The following WWOX variants were observed in gnomAD, a reference collection of about 807,000 sequenced individuals.
WWOX encodes the protein WW domain containing oxidoreductase.
WWOX carries 69 observed loss-of-function variants against 46.2 expected under a neutral mutation model. The observed-to-expected ratio is 1.49, with a 90% CI of 1.23 to 1.82. The LOEUF is 1.82. Ranked by LOEUF, WWOX falls within the 40% of genes most tolerant of loss-of-function variation. WWOX has a pLI of 0.00. For missense variants in WWOX, 919 were observed against 542.6 expected (o/e 1.69, Z -6.89); for synonymous variants, 359 against 202.6 (o/e 1.77, Z -6.56).
intron 8 of WWOX, among the ~76,000 whole-genome samples, chr16:78,461,122 G>C (rs1001023685): frequency 3.3e-5 from 5 of 152,198 alleles, no homozygotes; most frequent in African/African-American, 1.2e-4. Flanking sequence ...TTCCATGTTT[G>C]ATAACTTTCT....
chr16:78,361,971 C>CTTTTTTTTTTT (rs56026502), intron 5 of WWOX, among the ~76,000 whole-genome samples: 1 of 138,560 alleles, frequency 7.2e-6, no homozygotes, highest in African/African-American at 2.7e-5. Context: ...CAGGTATTTC[C>CTTTTTTTTTTT]TTTTTTTTTT....
chr16:78,394,087 G>C (rs563720793), intron 6 of WWOX, among the ~76,000 whole-genome samples: 1 of 152,034 alleles, frequency 6.6e-6, no homozygotes, highest in Non-Finnish European at 1.5e-5. Context: ...AAATTTTGTG[G>C]GATGAATTAC....
chr16:78,779,151 TTTG>T (rs1371981691), intron 8 of WWOX, among the ~76,000 whole-genome samples: 2 of 152,148 alleles, frequency 1.3e-5, no homozygotes, highest in African/African-American at 4.8e-5. Flanking sequence ...ACTTGTCTTT[TTTG>T]TTGTTTGTTT....
At chr16:78,752,882 T>G (rs1206253359) in intron 8 of WWOX, among the ~76,000 whole-genome samples, 1 of 152,228 alleles carries the variant, frequency 6.6e-6, no homozygotes, top group Non-Finnish European at 1.5e-5. Context: ...AAATCTGTCC[T>G]GGTCCCATCT....
intron 8 of WWOX, among the ~76,000 whole-genome samples, chr16:78,621,682 A>G (rs114033365): frequency 0.033 from 4,290 of 129,790 alleles, 248 homozygotes; most frequent in African/African-American, 0.12. Flanking sequence ...TCGGCTCACC[A>G]CGAGCTCTGC....
At chr16:78,218,999 A>T (rs1312527383) in intron 5 of WWOX, among the ~76,000 whole-genome samples, 1 of 152,194 alleles carries the variant, frequency 6.6e-6, no homozygotes, top group Non-Finnish European at 1.5e-5. Context: ...ATGCAACTTG[A>T]TGTTTAGAAG....
intron 5 of WWOX, among the ~76,000 whole-genome samples, chr16:78,354,104 C>T (rs1358283394): frequency 1.3e-5 from 2 of 152,114 alleles, no homozygotes; most frequent in African/African-American, 4.8e-5. Flanking sequence ...AGGCTGTTTG[C>T]AGTAGTTCCA....
At chr16:78,463,722 A>G (rs1209694839) in intron 8 of WWOX, among the ~76,000 whole-genome samples, 2 of 152,192 alleles carry the variant, frequency 1.3e-5, no homozygotes, top group African/African-American at 2.4e-5. Flanking sequence ...CTGCTCCATA[A>G]AACTTGGGTA....
chr16:78,683,845 C>T (rs1019018450), intron 8 of WWOX, among the ~76,000 whole-genome samples: 6 of 152,140 alleles, frequency 3.9e-5, no homozygotes, highest in Non-Finnish European at 5.9e-5. Flanking sequence ...GTGTTTAATT[C>T]GGCGTCTTTG....
chr16:78,960,599 A>C (rs987552732), intron 8 of WWOX, among the ~76,000 whole-genome samples: 1 of 152,220 alleles, frequency 6.6e-6, no homozygotes, highest in Non-Finnish European at 1.5e-5. Context: ...GAACAGATCC[A>C]TTGGTCAGAA....
intron 8 of WWOX, among the ~76,000 whole-genome samples, chr16:78,675,525 T>G (rs566478350): frequency 6.6e-6 from 1 of 152,286 alleles, no homozygotes; most frequent in African/African-American, 2.4e-5. Context: ...CATTTAACCA[T>G]TTCACAAATA....
chr16:78,116,484 T>C (rs2032796761), intron 4 of WWOX, among the ~76,000 whole-genome samples: 1 of 152,196 alleles, frequency 6.6e-6, no homozygotes, highest in Admixed American at 6.6e-5. Flanking sequence ...ATGGAAATTT[T>C]TTTTTAAGAA....
At chr16:78,535,406 G>T (rs1271382883) in intron 8 of WWOX, 4 of 152,142 alleles carry the variant, frequency 2.6e-5, no homozygotes, top group Non-Finnish European at 5.9e-5. Context: ...TTTATTGTGT[G>T]GCAGCTAATT....
chr16:78,503,401 C>T (rs1322818451), intron 8 of WWOX, among the ~76,000 whole-genome samples: 2 of 152,100 alleles, frequency 1.3e-5, no homozygotes, highest in Admixed American at 1.3e-4. Context: ...TATATCCCCC[C>T]CATACTCCAG....
At chr16:78,905,722 C>CT (rs1402449351) in intron 8 of WWOX, among the ~76,000 whole-genome samples, 2 of 152,142 alleles carry the variant, frequency 1.3e-5, no homozygotes, top group Non-Finnish European at 2.9e-5. Flanking sequence ...CATGAACTCC[C>CT]TTTTATGATA....
intron 8 of WWOX, among the ~76,000 whole-genome samples, chr16:78,623,626 G>A (rs1427519211): frequency 6.6e-6 from 1 of 151,986 alleles, no homozygotes; most frequent in Non-Finnish European, 1.5e-5. Flanking sequence ...GTTGCAGTGA[G>A]TGCGGTGGCA....
chr16:78,810,886 G>A (rs564668793), intron 8 of WWOX, among the ~76,000 whole-genome samples: 3 of 152,340 alleles, frequency 2.0e-5, no homozygotes, highest in South Asian at 4.1e-4. Flanking sequence ...AATGCCAGAA[G>A]AGACAGTAAT....
At chr16:78,381,680 A>G (rs1416071965) in intron 5 of WWOX, among the ~76,000 whole-genome samples, 1 of 152,216 alleles carries the variant, frequency 6.6e-6, no homozygotes, top group African/African-American at 2.4e-5. Flanking sequence ...TTTGAGAGCC[A>G]TTTTACAGCA....
intron 8 of WWOX, among the ~76,000 whole-genome samples, chr16:79,064,123 C>G (rs1048404954): frequency 5.3e-5 from 8 of 152,216 alleles, no homozygotes; most frequent in Non-Finnish European, 8.8e-5. Context: ...TATAAATCCT[C>G]TAGCTGATAG....
Sources: allele counts gnomAD v4.1 joint callset (sites outside exome capture counted in the v4.1 genomes callset), GRCh38; gene constraint gnomAD v4.1.1; transcripts MANE v1.5; gene names NCBI Gene and HGNC (gene_info 2026-07-23, HGNC 2026-07-21).